TRPM3: variants seen among roughly 807,000 people sequenced by gnomAD.
TRPM3 encodes the protein transient receptor potential cation channel subfamily M member 3, also known as long transient receptor potential channel 3.
Under a neutral mutation model 181.2 loss-of-function variants are expected in TRPM3, and 77 were observed. The observed-to-expected ratio is 0.42, with a 90% CI of 0.35 to 0.51. TRPM3 has a LOEUF of 0.51. TRPM3 is among the 20% of genes least tolerant of loss of function. The probability of loss-of-function intolerance (pLI) is 0.01; values close to 1 mark genes in which losing one functional copy is unlikely to be tolerated. For synonymous variants in TRPM3, 745 were observed against 796.4 expected, an observed-to-expected ratio of 0.94 and a Z score of 1.09; for missense variants, 1,759 against 2,196.7, an observed-to-expected ratio of 0.80 and a Z score of 3.98.
At chr9:71,304,407 G>A (rs931544255) in intron 1 of TRPM3, among the ~76,000 whole-genome samples, 3 of 152,174 alleles carry the variant, frequency 2.0e-5, no homozygotes, top group Non-Finnish European at 4.4e-5. Context: ...TTAGTGAGAT[G>A]AGAAGTTGGT....
intron 8 of TRPM3, among the ~76,000 whole-genome samples, chr9:70,689,906 C>T (rs2068024597): frequency 6.6e-6 from 1 of 152,040 alleles, no homozygotes; most frequent in Non-Finnish European, 1.5e-5. Context: ...ACAGACTTTC[C>T]ATTTCTAAAA....
In TRPM3 at chr9:70,846,373, A is replaced by T. The variant is rs988153506; in HGVS notation, c.676+5T>A. The T allele has an allele frequency of 1.9e-6, 3 of 1,613,094 alleles. No homozygotes were observed. Among genetic ancestry groups the T allele is most frequent in the Non-Finnish European group, 2.5e-6 (3 of 1,179,130 alleles). On this transcript the variant is annotated splice_donor_5th_base_variant and intron_variant, in intron 4 of 25. Coordinates refer to ENST00000677713, the MANE Select transcript of TRPM3 (RefSeq NM_001366145.2). The stretch of plus-strand genomic sequence containing the variant: ...GTTGACTTTCTCTGTTCCACTTGCA[A>T]TTACCTGTGTTAACCCCTCCAGTGA...
At chr9:71,413,374 C>A (rs965210946) in intron 1 of TRPM3, among the ~76,000 whole-genome samples, 1 of 151,936 alleles carries the variant, frequency 6.6e-6, no homozygotes, top group Non-Finnish European at 1.5e-5. Flanking sequence ...GTCTATTATT[C>A]TTTTTATAGG....
intron 3 of TRPM3, among the ~76,000 whole-genome samples, chr9:70,854,870 C>T (rs1467185797): frequency 6.6e-6 from 1 of 152,154 alleles, no homozygotes; most frequent in Non-Finnish European, 1.5e-5. Context: ...TTTTGATCTA[C>T]TCTTAGTTAC....
At chr9:71,391,745 C>T (rs2093068023) in intron 1 of TRPM3, among the ~76,000 whole-genome samples, 1 of 151,996 alleles carries the variant, frequency 6.6e-6, no homozygotes, top group Admixed American at 6.6e-5. Flanking sequence ...AGTAGTAATT[C>T]CTTATGGTTC....
At chr9:71,075,806 G>A (rs1008002726) in intron 1 of TRPM3, among the ~76,000 whole-genome samples, 2 of 152,184 alleles carry the variant, frequency 1.3e-5, no homozygotes, top group Admixed American at 6.6e-5. Flanking sequence ...GGATCTTGAT[G>A]AACAGAAATA....
chr9:71,413,287 A>T (rs995926941), intron 1 of TRPM3, among the ~76,000 whole-genome samples: 1 of 152,110 alleles, frequency 6.6e-6, no homozygotes, highest in Admixed American at 6.6e-5. Context: ...ATATTTATTG[A>T]GTATTTAGCA....
At chr9:70,609,924 A>C (rs1257709246) in intron 19 of TRPM3, among the ~76,000 whole-genome samples, 1 of 151,962 alleles carries the variant, frequency 6.6e-6, no homozygotes, top group East Asian at 1.9e-4. Flanking sequence ...AAAAAAAATC[A>C]CTGAACAGTA....
chr9:70,933,744 G>A (rs189887820), intron 1 of TRPM3, among the ~76,000 whole-genome samples: 32 of 152,000 alleles, frequency 2.1e-4, no homozygotes, highest in African/African-American at 6.3e-4. Flanking sequence ...GTGTGAAGCT[G>A]GAGCATACTT....
chr9:70,819,542 T>C (rs1003359418), intron 6 of TRPM3, among the ~76,000 whole-genome samples: 2 of 152,166 alleles, frequency 1.3e-5, no homozygotes, highest in Admixed American at 1.3e-4. Context: ...GATATTACTA[T>C]AGGGTAAAGA....
At chr9:71,105,296 G>A (rs2069255214) in intron 1 of TRPM3, among the ~76,000 whole-genome samples, 1 of 152,158 alleles carries the variant, frequency 6.6e-6, no homozygotes, top group South Asian at 2.1e-4. Flanking sequence ...CCAATCAGAT[G>A]TGGCCATGAG....
At chr9:71,438,267 T>A (rs1038362652) in intron 1 of TRPM3, among the ~76,000 whole-genome samples, 5 of 152,260 alleles carry the variant, frequency 3.3e-5, no homozygotes, top group Admixed American at 2.0e-4. Flanking sequence ...AGTTGGATTC[T>A]AATTCAAACA....
intron 1 of TRPM3, among the ~76,000 whole-genome samples, chr9:71,216,333 C>T (rs898508167): frequency 3.9e-5 from 6 of 152,194 alleles, no homozygotes; most frequent in Admixed American, 2.6e-4. Context: ...GATCTTTACA[C>T]TTATTTCTCT....
At chr9:70,741,680 G>A (rs947933666) in intron 8 of TRPM3, among the ~76,000 whole-genome samples, 3 of 152,184 alleles carry the variant, frequency 2.0e-5, no homozygotes, top group African/African-American at 7.2e-5. Flanking sequence ...ATAGCAACCT[G>A]TATGGAATTG....
intron 22 of TRPM3, 98 bp downstream of exon 22, chr9:70,590,933 G>T: frequency 6.6e-7 from 1 of 1,516,096 alleles, no homozygotes; most frequent in Non-Finnish European, 9.1e-7. Flanking sequence ...TCTATCTTGA[G>T]CCATTTATTG....
chr9:70,872,422 G>A (rs763592235), intron 1 of TRPM3, among the ~76,000 whole-genome samples: 1 of 151,870 alleles, frequency 6.6e-6, no homozygotes. Flanking sequence ...TCCTTGAGAG[G>A]ACTTTGCTCC....
chr9:70,554,793 G>C (rs1331940427), intron 22 of TRPM3, among the ~76,000 whole-genome samples: 7 of 152,178 alleles, frequency 4.6e-5, no homozygotes, highest in South Asian at 2.1e-4. Flanking sequence ...ACCAAGACCT[G>C]GTTTTTATGG....
chr9:70,570,793 T>G (rs2132159800), intron 22 of TRPM3, among the ~76,000 whole-genome samples: 1 of 152,322 alleles, frequency 6.6e-6, no homozygotes, highest in Admixed American at 6.5e-5. Context: ...CCGAATCATT[T>G]GAGATCAGGG....
At chr9:71,054,194 G>A (rs1328788918) in intron 1 of TRPM3, among the ~76,000 whole-genome samples, 2 of 152,138 alleles carry the variant, frequency 1.3e-5, no homozygotes, top group East Asian at 3.9e-4. Flanking sequence ...AGAGGAAGCA[G>A]CTTACCCAAG....
Sources: allele counts gnomAD v4.1 joint callset (sites outside exome capture counted in the v4.1 genomes callset), GRCh38; gene constraint gnomAD v4.1.1; transcripts MANE v1.5; gene names NCBI Gene and HGNC (gene_info 2026-07-23, HGNC 2026-07-21).